The following LRMDA variants were observed in gnomAD, a reference collection of about 807,000 sequenced individuals.
The protein encoded by LRMDA is leucine-rich melanocyte differentiation-associated protein.
LRMDA carries 18 observed loss-of-function variants against 29.8 expected under a neutral mutation model. That is an observed-to-expected ratio of 0.60 (90% CI 0.42 to 0.90). The LOEUF is 0.90. Among genes scored for constraint, LRMDA ranks in the 40% least tolerant of loss-of-function variants. The pLI is 0.00. For synonymous variants in LRMDA, 125 were observed against 109.4 expected, an observed-to-expected ratio of 1.14 and a Z score of -0.89; for missense variants, 273 against 273.9, an observed-to-expected ratio of 1.00 and a Z score of 0.02.
rs892749265 is a variant in LRMDA at position 75,763,903 on chromosome 10, G to A, written c.132-272105G>A. Among the ~76,000 whole-genome samples the A allele has an allele frequency of 2.0e-5, 3 of 152,126 alleles. No homozygotes were observed. In the South Asian group the frequency reaches 6.2e-4, roughly 32 times the overall value. On this transcript the variant is annotated intron_variant, in intron 2 of 6. Coordinates refer to ENST00000611255, the MANE Select transcript of LRMDA (RefSeq NM_001305581.2). Reference sequence around the variant, plus strand: ...CCTCAGCTCTCTCTAGCTGAATGATGCAGGGGTGCAAACTGATGCTTTCCA... The same window carrying A: ...CCTCAGCTCTCTCTAGCTGAATGATACAGGGGTGCAAACTGATGCTTTCCA...
chr10:75,597,971 A>G (rs1445242487), intron 2 of LRMDA, among the ~76,000 whole-genome samples: 2 of 152,124 alleles, frequency 1.3e-5, no homozygotes, highest in Non-Finnish European at 2.9e-5. Context: ...GGGGGCAGCC[A>G]TGGAGAGAGG....
At chr10:75,663,477 T>A (rs1328609196) in intron 2 of LRMDA, among the ~76,000 whole-genome samples, 1 of 152,220 alleles carries the variant, frequency 6.6e-6, no homozygotes. Context: ...AACCCCAATA[T>A]AAGGCCTCGA....
At chr10:76,218,625 A>T (rs1345382540) in intron 5 of LRMDA, among the ~76,000 whole-genome samples, 1 of 152,220 alleles carries the variant, frequency 6.6e-6, no homozygotes, top group Non-Finnish European at 1.5e-5. Context: ...CACTTAAAAA[A>T]TGAAATGGAC....
intron 2 of LRMDA, among the ~76,000 whole-genome samples, chr10:75,509,508 A>T (rs1845203905): frequency 6.6e-6 from 1 of 152,184 alleles, no homozygotes; most frequent in Non-Finnish European, 1.5e-5. Context: ...CAGAATACTG[A>T]TGCCAGAAGG....
chr10:76,026,282 G>T (rs1279354440), intron 2 of LRMDA, among the ~76,000 whole-genome samples: 1 of 152,218 alleles, frequency 6.6e-6, no homozygotes, highest in African/African-American at 2.4e-5. Flanking sequence ...ACCACAGCTA[G>T]AAAGTATGTA....
chr10:76,537,049 T>C (rs1318553432), intron 6 of LRMDA, among the ~76,000 whole-genome samples: 4 of 152,236 alleles, frequency 2.6e-5, no homozygotes, highest in Non-Finnish European at 5.9e-5. Flanking sequence ...CTCATACTTA[T>C]TAAAAAATCA....
chr10:75,635,284 C>T (rs1841376733), intron 2 of LRMDA, among the ~76,000 whole-genome samples: 2 of 152,044 alleles, frequency 1.3e-5, no homozygotes, highest in South Asian at 4.2e-4. Context: ...TTTTAATGAG[C>T]CACCTTCAGG....
intron 2 of LRMDA, among the ~76,000 whole-genome samples, chr10:75,949,619 C>T (rs1422226432): frequency 6.6e-6 from 1 of 152,070 alleles, no homozygotes; most frequent in Non-Finnish European, 1.5e-5. Context: ...CATCCTTTGG[C>T]CATTACAATG....
chr10:75,572,536 T>A (rs1840450555), intron 2 of LRMDA, among the ~76,000 whole-genome samples: 1 of 152,246 alleles, frequency 6.6e-6, no homozygotes. Flanking sequence ...TTCACTCTTT[T>A]AAGTTTCGAT....
At chr10:76,204,512 G>T (rs1373772306) in intron 5 of LRMDA, among the ~76,000 whole-genome samples, 1 of 152,228 alleles carries the variant, frequency 6.6e-6, no homozygotes, top group Non-Finnish European at 1.5e-5. Flanking sequence ...TCCAGCTCTT[G>T]CAGGGAAACA....
At position 76,494,326 on chromosome 10, in the gene LRMDA, C is replaced by CTT. The variant is rs34885811; in HGVS notation, c.602-62869_602-62868dup. ...ACACGATACTACTCAGGCTACATAG[C>CTT]TTTTTTTTTTTTTTTAAATGACTGT... On this transcript the variant is annotated intron_variant, in intron 6 of 6. Coordinates refer to ENST00000611255, the MANE Select transcript of LRMDA (RefSeq NM_001305581.2). Among the ~76,000 whole-genome samples, 928 of 138,674 alleles carry CTT rather than the reference C, an allele frequency of 6.7e-3. 6 individuals are homozygous for CTT. The highest frequency in any genetic ancestry group is 0.022 in the African/African-American group (832 of 38,000). 91.0% of individuals were successfully genotyped at this position (138,674 alleles called of 152,430 possible).
chr10:76,340,878 A>G (rs1168832665), intron 6 of LRMDA, among the ~76,000 whole-genome samples: 1 of 152,198 alleles, frequency 6.6e-6, no homozygotes, highest in Non-Finnish European at 1.5e-5. Context: ...AGGAGCAGAT[A>G]ATAAGTATTT....
At chr10:75,504,779 AC>A (rs1845152858) in intron 2 of LRMDA, among the ~76,000 whole-genome samples, 1 of 152,166 alleles carries the variant, frequency 6.6e-6, no homozygotes, top group African/African-American at 2.4e-5. Context: ...AGGGATTACC[AC>A]GCTGAGCCTT....
intron 5 of LRMDA, among the ~76,000 whole-genome samples, chr10:76,137,582 G>C (rs537747538): frequency 1.1e-4 from 16 of 152,200 alleles, no homozygotes; most frequent in African/African-American, 2.9e-4. Context: ...AATAAGAAAG[G>C]CCCTCCTGGG....
chr10:76,189,084 G>A (rs943049513), intron 5 of LRMDA, among the ~76,000 whole-genome samples: 5 of 152,142 alleles, frequency 3.3e-5, no homozygotes, highest in Admixed American at 6.5e-5. Context: ...TAGGCCAGGC[G>A]TGGTGACTCA....
intron 2 of LRMDA, among the ~76,000 whole-genome samples, chr10:75,641,132 CTGAG>C (rs1418225247): frequency 2.0e-5 from 3 of 152,170 alleles, no homozygotes; most frequent in African/African-American, 7.2e-5. Context: ...TTTTATCTCT[CTGAG>C]TGTGTTACAA....
intron 2 of LRMDA, among the ~76,000 whole-genome samples, chr10:75,943,660 A>G (rs1367889646): frequency 1.3e-5 from 2 of 152,192 alleles, no homozygotes; most frequent in Non-Finnish European, 2.9e-5. Context: ...TATTAATCCA[A>G]ATCAAACAGT....
At chr10:76,326,464 A>G (rs1359467029) in intron 6 of LRMDA, among the ~76,000 whole-genome samples, 1 of 152,248 alleles carries the variant, frequency 6.6e-6, no homozygotes, top group Non-Finnish European at 1.5e-5. Context: ...AACAGCTTAC[A>G]AACATTTATG....
chr10:75,829,930 T>C (rs999499872), intron 2 of LRMDA, among the ~76,000 whole-genome samples: 1 of 149,848 alleles, frequency 6.7e-6, no homozygotes, highest in African/African-American at 2.4e-5. Flanking sequence ...GTTTTTCTGC[T>C]ATTCACTTTA....
Sources: allele counts gnomAD v4.1 joint callset (sites outside exome capture counted in the v4.1 genomes callset), GRCh38; gene constraint gnomAD v4.1.1; transcripts MANE v1.5; gene names NCBI Gene and HGNC (gene_info 2026-07-23, HGNC 2026-07-21).